The following SMYD3 variants were observed in gnomAD, a reference collection of about 807,000 sequenced individuals.
SMYD3 encodes histone-lysine N-methyltransferase SMYD3.
SMYD3 carries 36 observed loss-of-function variants against 57.7 expected under a neutral mutation model. The observed-to-expected ratio is 0.62, with a 90% CI of 0.48 to 0.82. The LOEUF (loss-of-function observed/expected upper bound fraction) is 0.82. Ranked by LOEUF, SMYD3 falls within the 40% of genes least tolerant of loss-of-function variation. The pLI is 0.00. For synonymous variants in SMYD3, 211 were observed against 195.0 expected, an observed-to-expected ratio of 1.08 and a Z score of -0.68; for missense variants, 515 against 538.8, an observed-to-expected ratio of 0.96 and a Z score of 0.44.
chr1:245,798,377 A>AACAC (rs2047647742), intron 10 of SMYD3, among the ~76,000 whole-genome samples: 1 of 312 alleles, frequency 3.2e-3, no homozygotes, highest in East Asian at 0.071. Flanking sequence ...TTGACCTGTC[A>AACAC]ACACACACAC....
At chr1:246,193,575 C>T (rs191704611) in intron 5 of SMYD3, 1 of 152,544 alleles carries the variant, frequency 6.6e-6, no homozygotes, top group African/African-American at 2.4e-5. Flanking sequence ...CACACTGGCA[C>T]CCCACGTTTC....
chr1:246,057,986 G>A lies in SMYD3; in HGVS notation c.532-128049C>T, dbSNP rs1003336890. Among the ~76,000 whole-genome samples, 4 of 152,294 alleles carry A rather than the reference G, an allele frequency of 2.6e-5. No individual in the cohort carries two copies. The South Asian group carries it at 8.3e-4, about 32-fold the overall frequency. ...CAATCTTAAATGCATACTACTAAGCGAAAGAAGGCAGTGTGAAAAGGCTGT... is the reference window on the plus strand; with the variant it reads ...CAATCTTAAATGCATACTACTAAGCAAAAGAAGGCAGTGTGAAAAGGCTGT... On this transcript the variant is annotated intron_variant, in intron 5 of 11. Coordinates refer to ENST00000490107, the MANE Select transcript of SMYD3 (RefSeq NM_001167740.2).
intron 1 of SMYD3, among the ~76,000 whole-genome samples, chr1:246,464,478 C>T (rs1006074615): frequency 6.6e-6 from 1 of 152,198 alleles, no homozygotes; most frequent in South Asian, 2.1e-4. Flanking sequence ...GACTGCTCCA[C>T]TGCACTCCAG....
chr1:246,233,379 A>G (rs183490155), intron 5 of SMYD3, among the ~76,000 whole-genome samples: 1 of 120,742 alleles, frequency 8.3e-6, no homozygotes, highest in African/African-American at 3.2e-5. Context: ...TATACCACAC[A>G]GAGGAGAAGC....
chr1:246,378,557 T>C (rs2066318324), intron 1 of SMYD3, among the ~76,000 whole-genome samples: 1 of 149,780 alleles, frequency 6.7e-6, no homozygotes. Flanking sequence ...AAACTCGGAC[T>C]GGCTCTCCTT....
At chr1:246,319,021 T>C (rs1296382387) in intron 5 of SMYD3, among the ~76,000 whole-genome samples, 4 of 152,252 alleles carry the variant, frequency 2.6e-5, no homozygotes, top group Non-Finnish European at 5.9e-5. Context: ...ATGAGTTGTT[T>C]TCTTTGAAAG....
At chr1:245,904,434 A>T (rs915877985) in intron 8 of SMYD3, among the ~76,000 whole-genome samples, 1 of 152,212 alleles carries the variant, frequency 6.6e-6, no homozygotes, top group Non-Finnish European at 1.5e-5. Context: ...ACAGACTCAT[A>T]CAAGGAAGAA....
chr1:246,046,557 T>C (rs1572939713), intron 5 of SMYD3, among the ~76,000 whole-genome samples: 2 of 151,612 alleles, frequency 1.3e-5, no homozygotes, highest in Non-Finnish European at 2.9e-5. Context: ...CACACCAACA[T>C]GGCACATGTA....
intron 5 of SMYD3, among the ~76,000 whole-genome samples, chr1:246,162,899 A>G (rs2062146395): frequency 6.6e-6 from 1 of 152,238 alleles, no homozygotes; most frequent in African/African-American, 2.4e-5. Flanking sequence ...TAAGTGGCTT[A>G]GAGGCTAAGT....
chr1:246,127,713 T>C (rs1046612394), intron 5 of SMYD3, among the ~76,000 whole-genome samples: 7 of 151,932 alleles, frequency 4.6e-5, no homozygotes, highest in African/African-American at 7.3e-5. Context: ...CTAGCCAACA[T>C]AACGAAACCC....
chr1:246,498,867 C>T (rs1044810899), intron 1 of SMYD3, among the ~76,000 whole-genome samples: 1 of 152,006 alleles, frequency 6.6e-6, no homozygotes, highest in African/African-American at 2.4e-5. Context: ...TGGCTCACTG[C>T]AGCCTTGACC....
At chr1:245,973,960 T>C (rs938468497) in intron 5 of SMYD3, among the ~76,000 whole-genome samples, 5 of 152,116 alleles carry the variant, frequency 3.3e-5, no homozygotes, top group Admixed American at 6.5e-5. Context: ...TTTTGTAAAA[T>C]AGACTTTTGC....
At chr1:246,238,651 GCTTTT>G (rs1323434647) in intron 5 of SMYD3, among the ~76,000 whole-genome samples, 1 of 151,856 alleles carries the variant, frequency 6.6e-6, no homozygotes. Flanking sequence ...TCGTTTTTTT[GCTTTT>G]CTTTACTTTA....
chr1:246,227,635 A>C (rs932563413), intron 5 of SMYD3, among the ~76,000 whole-genome samples: 10 of 151,982 alleles, frequency 6.6e-5, no homozygotes, highest in African/African-American at 2.4e-4. Context: ...AAGAGAAGAA[A>C]GAAGAAGAAG....
intron 1 of SMYD3, among the ~76,000 whole-genome samples, chr1:246,463,869 A>C (rs2067844722): frequency 6.7e-6 from 1 of 149,836 alleles, no homozygotes; most frequent in Non-Finnish European, 1.5e-5. Flanking sequence ...TGTGGAATTA[A>C]AAGAAAGGTC....
At chr1:245,772,367 A>C (rs1006445863) in intron 10 of SMYD3, among the ~76,000 whole-genome samples, 1 of 152,228 alleles carries the variant, frequency 6.6e-6, no homozygotes, top group African/African-American at 2.4e-5. Flanking sequence ...GGTGGGGTTT[A>C]GGCCAGGCGC....
chr1:245,875,059 G>A (rs779555717), intron 8 of SMYD3, among the ~76,000 whole-genome samples: 1 of 152,224 alleles, frequency 6.6e-6, no homozygotes, highest in Non-Finnish European at 1.5e-5. Flanking sequence ...CTGGCTGACG[G>A]CACGGCGAGC....
chr1:245,927,193 C>T (rs1003573413), intron 7 of SMYD3, among the ~76,000 whole-genome samples: 3 of 152,222 alleles, frequency 2.0e-5, no homozygotes, highest in Non-Finnish European at 4.4e-5. Flanking sequence ...TAACTCAGAA[C>T]TCAGCATGGG....
chr1:246,043,126 A>G (rs1034413698), intron 5 of SMYD3, among the ~76,000 whole-genome samples: 1 of 152,250 alleles, frequency 6.6e-6, no homozygotes, highest in Non-Finnish European at 1.5e-5. Flanking sequence ...ATGCACATGT[A>G]CACATATACA....
Sources: allele counts gnomAD v4.1 joint callset (sites outside exome capture counted in the v4.1 genomes callset), GRCh38; gene constraint gnomAD v4.1.1; transcripts MANE v1.5; gene names NCBI Gene and HGNC (gene_info 2026-07-23, HGNC 2026-07-21).